Variants in AKT3 observed in about 807,000 individuals in gnomAD.
AKT3 encodes AKT serine/threonine kinase 3.
In AKT3, 15 loss-of-function variants were observed where a neutral mutation model predicts 65.3. The observed-to-expected ratio is 0.23, with a 90% confidence interval of 0.15 to 0.35. The LOEUF (loss-of-function observed/expected upper bound fraction) is 0.35, where lower values mean the gene tolerates loss of function less well. Among genes scored for constraint, AKT3 ranks in the 10% least tolerant of loss-of-function variants. The probability of loss-of-function intolerance (pLI) is 1.00; values close to 1 mark genes in which losing one functional copy is unlikely to be tolerated. For missense variants in AKT3, 243 were observed against 576.5 expected, an observed-to-expected ratio of 0.42 and a Z score of 5.92; for synonymous variants, 206 against 183.8, an observed-to-expected ratio of 1.12 and a Z score of -0.98.
chr1:243,713,613 C>T (rs945028704), intron 2 of AKT3, among the ~76,000 whole-genome samples: 25 of 152,018 alleles, frequency 1.6e-4, no homozygotes, highest in African/African-American at 5.6e-4. Context: ...GGCAAGTCAA[C>T]AATCGGCATC....
At chr1:243,527,918 C>CTTA (rs1558590240) in intron 12 of AKT3, among the ~76,000 whole-genome samples, 2 of 96,448 alleles carry the variant, frequency 2.1e-5, no homozygotes, top group African/African-American at 9.8e-5. Flanking sequence ...CACACACACA[C>CTTA]ACACACACAC....
intron 6 of AKT3, among the ~76,000 whole-genome samples, chr1:243,618,921 A>T (rs1050528065): frequency 1.3e-5 from 2 of 152,140 alleles, no homozygotes; most frequent in African/African-American, 4.8e-5. Context: ...TTAATGATCA[A>T]GAACACCATG....
At chr1:243,489,091 TC>T in intron 13 of AKT3, 1 of 1,613,296 alleles carries the variant, frequency 6.2e-7, no homozygotes, top group Non-Finnish European at 8.5e-7. Flanking sequence ...AACCAGCTTC[TC>T]CTGGAGAGGC....
chr1:243,611,236 A>C (rs1417312269), intron 8 of AKT3, among the ~76,000 whole-genome samples: 5 of 152,172 alleles, frequency 3.3e-5, no homozygotes, highest in Non-Finnish European at 7.4e-5. Flanking sequence ...TTACTTTAAA[A>C]GCTTACGAAA....
chr1:243,580,889 A>G (rs1044675475), intron 8 of AKT3, among the ~76,000 whole-genome samples: 3 of 152,102 alleles, frequency 2.0e-5, no homozygotes, highest in South Asian at 2.1e-4. Context: ...GGTGAAGCAG[A>G]GCTCTCTCTG....
At chr1:243,721,293 G>C (rs1686885814) in intron 2 of AKT3, among the ~76,000 whole-genome samples, 1 of 152,148 alleles carries the variant, frequency 6.6e-6, no homozygotes, top group Non-Finnish European at 1.5e-5. Context: ...CTGGGAGGAA[G>C]AAACATTACA....
chr1:243,641,899 G>A (rs1241840133), intron 5 of AKT3, among the ~76,000 whole-genome samples: 1 of 152,100 alleles, frequency 6.6e-6, no homozygotes, highest in Non-Finnish European at 1.5e-5. Context: ...TTGTGCCACT[G>A]CACTCCAGCC....
At chr1:243,709,511 C>T (rs1395479247) in intron 2 of AKT3, among the ~76,000 whole-genome samples, 2 of 151,782 alleles carry the variant, frequency 1.3e-5, no homozygotes, top group Non-Finnish European at 2.9e-5. Flanking sequence ...CATTATTTAG[C>T]ATAACTTTGA....
At chr1:243,814,611 T>G (rs1415936872) in intron 2 of AKT3, 1 of 152,170 alleles carries the variant, frequency 6.6e-6, no homozygotes, top group Non-Finnish European at 1.5e-5. Context: ...CAAATCTTAT[T>G]TTTACTCTGC....
At chr1:243,692,715 G>A (rs1684775573) in intron 3 of AKT3, among the ~76,000 whole-genome samples, 2 of 152,006 alleles carry the variant, frequency 1.3e-5, no homozygotes, top group African/African-American at 4.8e-5. Context: ...TCCAGCCCGG[G>A]GGACAGAGTG....
intron 6 of AKT3, among the ~76,000 whole-genome samples, chr1:243,624,401 C>A (rs1004391560): frequency 1.3e-5 from 2 of 152,104 alleles, no homozygotes; most frequent in African/African-American, 4.8e-5. Context: ...GATTTTTATT[C>A]CAATTTGATT....
In AKT3 at chr1:243,502,773, G is replaced by A. The variant is rs980374243; in HGVS notation, c.*2476C>T. 1.3e-4 allele frequency: 30 copies of A among 233,188 alleles called. No homozygotes were observed. Among genetic ancestry groups the A allele is most frequent in the African/African-American group, 6.4e-4 (29 of 45,344 alleles). 14.4% of individuals were successfully genotyped at this position (233,188 alleles called of 1,614,324 possible). A position where few individuals can be genotyped will look rare whatever the true frequency, so the allele number is the denominator to read the frequency against. ...AAGTGACTGAGCCCCAGGCATGGCT[G>A]GGAACTGAGAGCCAGTGTGAGGAGT... On this transcript the variant is annotated 3_prime_UTR_variant, in exon 14 of 14. Transcript: ENST00000673466.
chr1:243,651,986 G>A (rs545199814), intron 4 of AKT3, among the ~76,000 whole-genome samples: 30 of 151,792 alleles, frequency 2.0e-4, no homozygotes, highest in African/African-American at 7.0e-4. Flanking sequence ...TCTCTCTGCA[G>A]AAACCCTACA....
intron 2 of AKT3, among the ~76,000 whole-genome samples, chr1:243,728,793 A>G (rs1687369060): frequency 6.6e-6 from 1 of 152,250 alleles, no homozygotes; most frequent in African/African-American, 2.4e-5. Flanking sequence ...GGCAAGAGTC[A>G]TATGCCAGAC....
chr1:243,489,954 C>T (rs1465219834), intron 13 of AKT3, among the ~76,000 whole-genome samples: 3 of 152,162 alleles, frequency 2.0e-5, no homozygotes, highest in Non-Finnish European at 4.4e-5. Context: ...GTGCATTTTG[C>T]CCCGTCAAGC....
chr1:243,527,936 C>G (rs9428967), intron 12 of AKT3, among the ~76,000 whole-genome samples: 1,300 of 37,882 alleles, frequency 0.034, 21 homozygotes, highest in East Asian at 0.073. Flanking sequence ...CACACACACA[C>G]AGAGAGAGAG....
chr1:243,607,388 G>A (rs1007164474), intron 8 of AKT3, among the ~76,000 whole-genome samples: 8 of 152,326 alleles, frequency 5.3e-5, no homozygotes, highest in Middle Eastern at 3.4e-3. Context: ...TGTCAGACAC[G>A]GAGTTAAAGG....
intron 2 of AKT3, among the ~76,000 whole-genome samples, chr1:243,839,373 G>A (rs1695092080): frequency 6.6e-6 from 1 of 152,158 alleles, no homozygotes. Context: ...AATATATACA[G>A]AGATGCCTCC....
intron 12 of AKT3, among the ~76,000 whole-genome samples, chr1:243,543,724 G>A (rs1672469363): frequency 6.6e-6 from 1 of 152,222 alleles, no homozygotes; most frequent in African/African-American, 2.4e-5. Flanking sequence ...TCTGTAAGAA[G>A]TGAATAAACA....
Sources: gnomAD v4.1 joint callset for allele counts (sites outside exome capture counted in the v4.1 genomes callset) on GRCh38, gnomAD v4.1.1 for gene constraint, MANE v1.5 for transcripts, NCBI Gene and HGNC (gene_info 2026-07-23, HGNC 2026-07-21) for gene names.